Variants in WDR44 observed in about 807,000 individuals in gnomAD.
The protein encoded by WDR44 is WD repeat domain 44.
A neutral mutation model predicts 65.7 loss-of-function variants in WDR44; 9 were observed. That is an observed-to-expected ratio of 0.14 (90% confidence interval 0.08 to 0.24). The LOEUF (loss-of-function observed/expected upper bound fraction) is 0.24. WDR44 is among the 10% of genes least tolerant of loss of function. The pLI is 1.00. For missense variants in WDR44, 425 were observed against 670.9 expected, an observed-to-expected ratio of 0.63 and a Z score of 4.05; for synonymous variants, 220 against 235.2, an observed-to-expected ratio of 0.94 and a Z score of 0.59.
At chrX:118,436,375 A>G (rs1044654730) in intron 13 of WDR44, among the ~76,000 whole-genome samples, 1 of 112,235 alleles carries the variant, frequency 8.9e-6, no homozygotes, top group African/African-American at 3.2e-5. Context: ...ACTGATAGCT[A>G]AGTTCCAATA....
rs188328865 is a variant in WDR44, at chrX:118,398,396, G to A, written c.1200G>A (p.Ala400=). The A allele has an allele frequency of 5.7e-5, 69 of 1,206,415 alleles. No individual in the cohort carries two copies. The highest frequency in any genetic ancestry group is 7.1e-5 in the Non-Finnish European group (63 of 893,107). Residue 400 remains alanine (A), a synonymous_variant, in exon 8 of 20, where the codon GCG becomes GCA. Coordinates refer to ENST00000254029, the MANE Select transcript of WDR44 (RefSeq NM_019045.5). ...RRTKEYVSND[A]AQSDDEEKLQ... is the part of the protein sequence containing the mutation. ...CTTCCCCTTCTTACAGTAATGACGC[G>A]GCACAGTCAGATGATGAAGAGAAGT...
At chrX:118,410,864 G>A (rs1311315850) in intron 11 of WDR44, 31 bp from the exon 12 acceptor site, 1 of 1,163,999 alleles carries the variant, frequency 8.6e-7, no homozygotes, top group Non-Finnish European at 1.2e-6. Flanking sequence ...GTACATACAT[G>A]CCTTTTTTAC....
rs2056846372 is a variant in WDR44, at chrX:118,394,177, A to G, written c.949A>G (p.Thr317Ala). 8.3e-7 allele frequency: 1 copy of G among 1,210,536 alleles called. No individual in the cohort carries two copies. Among genetic ancestry groups the G allele is most frequent in the Non-Finnish European group, 1.1e-6 (1 of 894,626 alleles). Residue 317 changes from threonine (T) to alanine (A), a missense_variant, in exon 5 of 20, where the codon ACC becomes GCC. Coordinates refer to ENST00000254029, the MANE Select transcript of WDR44 (RefSeq NM_019045.5). ...TGCTACCAGTGGAGATAAAATAGTTACCGCCCAGGTTGGTGAATTAGTGTT... is the reference window on the plus strand; with the variant it reads ...TGCTACCAGTGGAGATAAAATAGTTGCCGCCCAGGTTGGTGAATTAGTGTT... ...ASATSGDKIV[T>A]AQENGKAPDG...
chrX:118,445,822 G>A lies in WDR44; in HGVS notation c.2647+1328G>A, dbSNP rs777142968. 2.7e-5 allele frequency among the ~76,000 whole-genome samples: 3 copies of A among 111,256 alleles called. No homozygotes were observed. In the East Asian group the frequency reaches 8.5e-4, roughly 31 times the overall value. ...AGGCAGGCGGATTATGAGGTTGAGA[G>A]TTCGAGACCATCCTGGCCAACATGG... On this transcript the variant is annotated intron_variant, in intron 19 of 19. Coordinates refer to ENST00000254029, the MANE Select transcript of WDR44 (RefSeq NM_019045.5).
At position 118,352,351 on chromosome X, in the gene WDR44, T is replaced by TATATATATATATATATATA. The variant is rs2056420246; in HGVS notation, c.77+5773_77+5774insATATATATATATATATAAT. Among the ~76,000 whole-genome samples, 2 of 22,259 alleles carry TATATATATATATATATATA rather than the reference T, an allele frequency of 9.0e-5. 1 individual carries two copies. The highest frequency in any genetic ancestry group is 1.3e-4 in the Non-Finnish European group (2 of 15,989). 19.3% of individuals were successfully genotyped at this position (22,259 alleles called of 115,157 possible). A position where few individuals can be genotyped will look rare whatever the true frequency, so the allele number is the denominator to read the frequency against. On this transcript the variant is annotated intron_variant, in intron 1 of 19. Coordinates refer to ENST00000254029, the MANE Select transcript of WDR44 (RefSeq NM_019045.5). The stretch of plus-strand genomic sequence containing the variant: ...ATATATATATATATATATATATATA[T>TATATATATATATATATATA]ATTTTTTTTTTTTTTTTTTTTTGTA...
intron 12 of WDR44, among the ~76,000 whole-genome samples, chrX:118,420,064 G>T (rs904355413): frequency 1.8e-5 from 2 of 108,191 alleles, no homozygotes; most frequent in Admixed American, 9.9e-5. Context: ...ACAAATACCT[G>T]TGGAACTTAC....
At chrX:118,405,872 G>A (rs1950394357) in intron 9 of WDR44, among the ~76,000 whole-genome samples, 1 of 111,860 alleles carries the variant, frequency 8.9e-6, no homozygotes, top group African/African-American at 3.2e-5. Flanking sequence ...GAGGCATGGT[G>A]GCTCATGCCT....
intron 1 of WDR44, among the ~76,000 whole-genome samples, chrX:118,370,020 G>C (rs761923269): frequency 9.8e-5 from 11 of 111,947 alleles, no homozygotes; most frequent in Non-Finnish European, 1.7e-4. Flanking sequence ...TGGCAGCATT[G>C]ATAGACACTG....
At chrX:118,386,620 A>G in intron 2 of WDR44, 1 of 256,748 alleles carries the variant, frequency 3.9e-6, no homozygotes, top group Non-Finnish European at 7.4e-6. Context: ...GTATTTGTGC[A>G]TATTTATGGA....
chrX:118,391,054 T>C (rs1356246654), intron 3 of WDR44, among the ~76,000 whole-genome samples: 1 of 111,763 alleles, frequency 8.9e-6, no homozygotes, highest in Non-Finnish European at 1.9e-5. Context: ...GTATACTAGG[T>C]CTAATACACA....
intron 10 of WDR44, among the ~76,000 whole-genome samples, chrX:118,407,514 A>AG (rs2056977980): frequency 9.0e-6 from 1 of 110,617 alleles, no homozygotes; most frequent in Non-Finnish European, 1.9e-5. Context: ...AAAAAAAAAA[A>AG]AAAAGAAAGA....
intron 9 of WDR44, 102 bp downstream of exon 9, chrX:118,404,546 C>T (rs2056946541): frequency 1.8e-6 from 1 of 548,707 alleles, no homozygotes; most frequent in South Asian, 4.4e-5. Flanking sequence ...AATAGTAAAC[C>T]TTTATAGCTG....
chrX:118,408,472 A>G (rs1602937206), intron 10 of WDR44, among the ~76,000 whole-genome samples: 3 of 109,057 alleles, frequency 2.8e-5, no homozygotes, highest in African/African-American at 1.0e-4. Context: ...ATCTCAGCTC[A>G]CTGAAGCCTC....
intron 1 of WDR44, among the ~76,000 whole-genome samples, chrX:118,375,515 C>CAA (rs3048529): frequency 1.3e-4 from 8 of 62,032 alleles, no homozygotes; most frequent in African/African-American, 2.5e-4. Flanking sequence ...GACCCCATCT[C>CAA]AAAAAAAAAA....
intron 2 of WDR44, among the ~76,000 whole-genome samples, chrX:118,379,477 G>C (rs766208293): frequency 9.0e-6 from 1 of 111,368 alleles, no homozygotes; most frequent in Non-Finnish European, 1.9e-5. Context: ...TGAGTTGGGG[G>C]TAACTACTCA....
intron 7 of WDR44, among the ~76,000 whole-genome samples, chrX:118,398,068 C>A (rs2056880757): frequency 9.0e-6 from 1 of 111,105 alleles, no homozygotes; most frequent in African/African-American, 3.3e-5. Flanking sequence ...GAAACCCTGT[C>A]TCTACTAAAA....
chrX:118,376,868 G>T (rs2056664948), intron 1 of WDR44, among the ~76,000 whole-genome samples: 1 of 110,309 alleles, frequency 9.1e-6, no homozygotes, highest in South Asian at 3.9e-4. Context: ...GCTGAGCATG[G>T]TGGCACGTGC....
At chrX:118,422,686 C>G (rs1022944533) in intron 12 of WDR44, among the ~76,000 whole-genome samples, 4 of 106,030 alleles carry the variant, frequency 3.8e-5, no homozygotes, top group Admixed American at 1.0e-4. Flanking sequence ...AGCAAAACTC[C>G]GTCTCAAAAA....
At chrX:118,377,435 T>A (rs1367688089) in intron 1 of WDR44, among the ~76,000 whole-genome samples, 1 of 111,247 alleles carries the variant, frequency 9.0e-6, no homozygotes, top group Non-Finnish European at 1.9e-5. Flanking sequence ...GTCTAATACA[T>A]ATGAAAATTT....
Sources: gnomAD v4.1 joint callset for allele counts (sites outside exome capture counted in the v4.1 genomes callset) on GRCh38, gnomAD v4.1.1 for gene constraint, MANE v1.5 for transcripts, NCBI Gene and HGNC (gene_info 2026-07-23, HGNC 2026-07-21) for gene names.